The following HOGA1 variants were observed in gnomAD, a reference collection of about 807,000 sequenced individuals.
HOGA1 encodes 4-hydroxy-2-oxoglutarate aldolase 1.
In HOGA1, 30 loss-of-function variants were observed where a neutral mutation model predicts 34.3. The ratio of observed to expected loss-of-function variants is 0.87; its 90% CI spans 0.65 to 1.19. The LOEUF is 1.19. Among genes scored for constraint, HOGA1 ranks in the 50% most tolerant of loss-of-function variants. HOGA1 has a pLI of 0.00. For synonymous variants in HOGA1, 161 were observed against 174.0 expected, an observed-to-expected ratio of 0.93 and a Z score of 0.59; for missense variants, 417 against 436.5, an observed-to-expected ratio of 0.96 and a Z score of 0.40.
chr10:97,611,569 T>G lies in HOGA1; in HGVS notation c.894T>G (p.Tyr298Ter). The G allele has an allele frequency of 6.2e-7, 1 of 1,614,234 alleles. No individual in the cohort carries two copies. The highest frequency in any genetic ancestry group is 8.5e-7 in the Non-Finnish European group (1 of 1,180,034). ...LKKIMDWFGY[Y>*]GGPCRAPLQE... The stretch of plus-strand genomic sequence containing the variant: ...AAATCATGGACTGGTTTGGCTACTA[T>G]GGAGGCCCCTGCCGCGCCCCCTTGC... Residue 298 changes from tyrosine (Y) to a stop codon, truncating the protein, a stop_gained, in exon 7 of 7, where the codon TAT (tyrosine) becomes TAG (stop). Transcript: ENST00000370646. LOFTEE classifies it high-confidence loss of function.
At chr10:97,610,883 A>G (rs2041189953) in intron 6 of HOGA1, among the ~76,000 whole-genome samples, 1 of 152,238 alleles carries the variant, frequency 6.6e-6, no homozygotes, top group Admixed American at 6.5e-5. Context: ...TTTAGAGATC[A>G]TGTTGTCCAG....
At position 97,604,621 on chromosome 10, in the gene HOGA1, C is replaced by T. The variant is rs2041143626; in HGVS notation, c.834+2631C>T. On this transcript the variant is annotated intron_variant, in intron 6 of 6. Transcript: ENST00000370646. ...CAGGCATGAGCCACCACGGCTGGCC[C>T]CCCACAGTATGTTTAACCATTCACC... Among the ~76,000 whole-genome samples, 4 of 152,140 alleles carry T rather than the reference C, an allele frequency of 2.6e-5. No individual in the cohort carries two copies. In the South Asian group the frequency reaches 8.3e-4, roughly 32 times the overall value.
chr10:97,593,564 G>A (rs1241145208), intron 1 of HOGA1, among the ~76,000 whole-genome samples: 3 of 152,108 alleles, frequency 2.0e-5, no homozygotes, highest in African/African-American at 4.8e-5. Context: ...CTTTCCAGAG[G>A]GAGGTTATGA....
chr10:97,585,428 G>T (rs2040962036), intron 1 of HOGA1, among the ~76,000 whole-genome samples: 1 of 152,070 alleles, frequency 6.6e-6, no homozygotes, highest in Non-Finnish European at 1.5e-5. Flanking sequence ...TTACACATGG[G>T]TCTCCCCAAC....
intron 1 of HOGA1, among the ~76,000 whole-genome samples, chr10:97,594,356 A>AT (rs932167784): frequency 3.0e-4 from 44 of 148,154 alleles, no homozygotes; most frequent in African/African-American, 9.2e-4. Flanking sequence ...TTGATTTTTA[A>AT]TTTTTTTTAT....
chr10:97,590,026 C>T lies in HOGA1; in HGVS notation c.211+5112C>T, dbSNP rs140956245. On this transcript the variant is annotated intron_variant, in intron 1 of 6. Coordinates refer to ENST00000370646, the MANE Select transcript of HOGA1 (RefSeq NM_138413.4). The stretch of plus-strand genomic sequence containing the variant: ...TTAAATCCCACTTTAGCCGCCTTTC[C>T]GAAGAGAAGCTGGCCCTCGACAACA... 1.3e-3 allele frequency: 2,147 copies of T among 1,614,154 alleles called. 12 individuals are homozygous for T. The highest frequency in any genetic ancestry group is 6.1e-3 in the Middle Eastern group (37 of 6,062).
rs180822500 is a variant in HOGA1 at position 97,603,572 on chromosome 10, T to C, written c.834+1582T>C. Reference sequence around the variant, plus strand: ...AACTTTTTATTTTATTTTATTTTATTTATTTATTTTGAGATGGAGTTTCAC... The same window carrying C: ...AACTTTTTATTTTATTTTATTTTATCTATTTATTTTGAGATGGAGTTTCAC... On this transcript the variant is annotated intron_variant, in intron 6 of 6. Coordinates refer to ENST00000370646, the MANE Select transcript of HOGA1 (RefSeq NM_138413.4). This position sits in a 1 kb window ranked among gnomAD's most constrained non-coding sequence, Gnocchi z 4.5. Among the ~76,000 whole-genome samples, 67 of 151,554 alleles carry C rather than the reference T, an allele frequency of 4.4e-4. 1 individual carries two copies. The East Asian group carries it at 0.012, about 26-fold the overall frequency.
chr10:97,608,042 G>A (rs1200078141), intron 6 of HOGA1, among the ~76,000 whole-genome samples: 1 of 152,240 alleles, frequency 6.6e-6, no homozygotes, highest in Admixed American at 6.5e-5. Context: ...GGGCACAGTG[G>A]CTCACACCTG....
chr10:97,605,006 A>G (rs1399605944), intron 6 of HOGA1, among the ~76,000 whole-genome samples: 1 of 151,926 alleles, frequency 6.6e-6, no homozygotes, highest in Non-Finnish European at 1.5e-5. Context: ...AAAAGCTGCC[A>G]TGAACATTCA....
intron 6 of HOGA1, among the ~76,000 whole-genome samples, chr10:97,608,559 C>T (rs1242422192): frequency 6.6e-6 from 1 of 151,782 alleles, no homozygotes; most frequent in Non-Finnish European, 1.5e-5. Flanking sequence ...AATCCCAGCA[C>T]TTTGGGAGGC....
At chr10:97,588,930 G>A (rs1425388926) in intron 1 of HOGA1, among the ~76,000 whole-genome samples, 1 of 152,128 alleles carries the variant, frequency 6.6e-6, no homozygotes, top group Non-Finnish European at 1.5e-5. Flanking sequence ...GAGAGGCCTT[G>A]GAGATTAATT....
chr10:97,601,253 G>C (rs2041113828), intron 5 of HOGA1, among the ~76,000 whole-genome samples: 1 of 152,200 alleles, frequency 6.6e-6, no homozygotes, highest in Non-Finnish European at 1.5e-5. Context: ...CATACTTACA[G>C]GCTTGCAGAA....
chr10:97,599,219 G>C lies in HOGA1; in HGVS notation c.468+3G>C. Reference sequence around the variant, plus strand: ...CCCTCATTCACCACTACACCAAGGTGTGTGTGAGGCCTGAGACCAAGAGGA... The same window carrying C: ...CCCTCATTCACCACTACACCAAGGTCTGTGTGAGGCCTGAGACCAAGAGGA... On this transcript the variant is annotated splice_donor_region_variant and intron_variant, in intron 3 of 6. Coordinates refer to ENST00000370646, the MANE Select transcript of HOGA1 (RefSeq NM_138413.4). 6.2e-7 allele frequency: 1 copy of C among 1,613,996 alleles called. No individual in the cohort carries two copies. Among genetic ancestry groups the C allele is most frequent in the South Asian group, 1.1e-5 (1 of 91,086 alleles).
chr10:97,593,798 C>T (rs917451191), intron 1 of HOGA1, among the ~76,000 whole-genome samples: 22 of 152,014 alleles, frequency 1.4e-4, no homozygotes, highest in African/African-American at 5.3e-4. Context: ...GAAGGTGTTC[C>T]AGGCAGAAGG....
intron 1 of HOGA1, chr10:97,590,678 G>A (rs1336621110): frequency 4.6e-6 from 5 of 1,078,042 alleles, no homozygotes; most frequent in African/African-American, 1.6e-5. Flanking sequence ...CATCTATGCA[G>A]GCCAGGGTGA....
At chr10:97,585,692 G>A (rs1022790759) in intron 1 of HOGA1, among the ~76,000 whole-genome samples, 4 of 152,180 alleles carry the variant, frequency 2.6e-5, no homozygotes, top group East Asian at 3.8e-4. Flanking sequence ...TTTGCACCTC[G>A]TCTGACTGCA....
At chr10:97,611,132 G>A (rs1312206149) in intron 6 of HOGA1, among the ~76,000 whole-genome samples, 1 of 152,144 alleles carries the variant, frequency 6.6e-6, no homozygotes, top group East Asian at 1.9e-4. Flanking sequence ...GGTCTGGTGT[G>A]ACCTGCGTCA....
At chr10:97,601,263 A>G (rs1280418080) in intron 5 of HOGA1, among the ~76,000 whole-genome samples, 1 of 152,198 alleles carries the variant, frequency 6.6e-6, no homozygotes, top group Non-Finnish European at 1.5e-5. Context: ...GGCTTGCAGA[A>G]GTGGCGGGGG....
chr10:97,589,624 CT>C, intron 1 of HOGA1: 1 of 337,028 alleles, frequency 3.0e-6, no homozygotes, highest in East Asian at 6.2e-5. Flanking sequence ...CCACCCCACT[CT>C]CCCCACCCCA....
Sources: allele counts gnomAD v4.1 joint callset (sites outside exome capture counted in the v4.1 genomes callset), GRCh38; gene constraint gnomAD v4.1.1; non-coding constraint Gnocchi (gnomAD v3.1); transcripts MANE v1.5; gene names NCBI Gene and HGNC (gene_info 2026-07-23, HGNC 2026-07-21).